Variants in NDST4 observed in about 807,000 individuals in gnomAD.
NDST4 encodes N-heparan sulfate sulfotransferase 4.
A neutral mutation model predicts 100.8 loss-of-function variants in NDST4; 63 were observed. That is an observed-to-expected ratio of 0.62 (90% CI 0.51 to 0.77). NDST4 has a LOEUF of 0.77. Among genes scored for constraint, NDST4 ranks in the 30% least tolerant of loss-of-function variants. The pLI, the probability that NDST4 is intolerant of heterozygous loss-of-function variation, is 0.00. For missense variants in NDST4, 943 were observed against 1,018.4 expected, an observed-to-expected ratio of 0.93 and a Z score of 1.01; for synonymous variants, 377 against 361.8, an observed-to-expected ratio of 1.04 and a Z score of -0.48.
chr4:114,891,689 C>T (rs1724601940), intron 6 of NDST4, among the ~76,000 whole-genome samples: 1 of 152,056 alleles, frequency 6.6e-6, no homozygotes, highest in African/African-American at 2.4e-5. Context: ...CATTCAGCAC[C>T]AAACACTGCA....
chr4:114,888,194 T>A (rs1207675793), intron 6 of NDST4, among the ~76,000 whole-genome samples: 1 of 151,662 alleles, frequency 6.6e-6, no homozygotes, highest in East Asian at 1.9e-4. Context: ...AGAAGGAGAC[T>A]CTATCTCAAA....
chr4:114,981,048 C>CA (rs899885106), intron 2 of NDST4, among the ~76,000 whole-genome samples: 2 of 151,774 alleles, frequency 1.3e-5, no homozygotes, highest in African/African-American at 4.8e-5. Context: ...CCCTTCTCTA[C>CA]AAAAAAATAC....
chr4:115,022,473 G>GTGTTCCATATATATA (rs1727876368), intron 2 of NDST4, among the ~76,000 whole-genome samples: 1 of 63,340 alleles, frequency 1.6e-5, no homozygotes, highest in Non-Finnish European at 3.5e-5. Flanking sequence ...CCATATATAT[G>GTGTTCCATATATATA]TGTTCCATAT....
intron 1 of NDST4, among the ~76,000 whole-genome samples, chr4:115,083,186 C>T (rs1287806627): frequency 1.3e-5 from 2 of 152,100 alleles, no homozygotes; most frequent in East Asian, 3.9e-4. Context: ...CATTGTGGCT[C>T]ACACATGTAA....
At chr4:115,049,930 C>A (rs1210919622) in intron 2 of NDST4, among the ~76,000 whole-genome samples, 1 of 152,142 alleles carries the variant, frequency 6.6e-6, no homozygotes, top group Non-Finnish European at 1.5e-5. Context: ...TAGTTCATTA[C>A]CCTCCTTTTA....
In NDST4 at chr4:114,852,639, A is replaced by C. The variant is rs1723702270; in HGVS notation, c.1816+86T>G. 5.6e-6 allele frequency: 4 copies of C among 715,006 alleles called. No homozygotes were observed. The African/African-American group carries it at 7.4e-5, about 13-fold the overall frequency. 44.3% of individuals were successfully genotyped at this position (715,006 alleles called of 1,614,324 possible). ...GGATAGCTAAATATTTCACAAAGAA[A>C]AATCTAATCTGATAAATCCATATAC... On this transcript the variant is annotated intron_variant, in intron 8 of 13. Coordinates refer to ENST00000264363, the MANE Select transcript of NDST4 (RefSeq NM_022569.3).
intron 1 of NDST4, among the ~76,000 whole-genome samples, chr4:115,091,454 C>T (rs994220841): frequency 6.6e-6 from 1 of 151,972 alleles, no homozygotes; most frequent in Non-Finnish European, 1.5e-5. Context: ...ATTATTTCTC[C>T]ATCTACTCTT....
chr4:114,875,273 C>A (rs923010271), intron 6 of NDST4, among the ~76,000 whole-genome samples: 11 of 152,134 alleles, frequency 7.2e-5, no homozygotes, highest in African/African-American at 2.7e-4. Context: ...CTCTCAACTT[C>A]ATTATAACCA....
At position 114,845,877 on chromosome 4, in the gene NDST4, G is replaced by A. The variant is rs1180640395; in HGVS notation, c.2061C>T (p.Ala687=). The A allele has an allele frequency of 3.7e-6, 6 of 1,614,118 alleles. No individual in the cohort carries two copies. In the South Asian group the frequency reaches 6.6e-5, roughly 18 times the overall value. Residue 687 remains alanine, a synonymous_variant, in exon 10 of 14, where the codon GCC becomes GCT. Transcript: ENST00000264363. ...PRRAASLVPK[A]KIITILIDPS... ...GGTCAATGAGGATGGTGATGATCTTGGCTTTGGGGACAAGAGATGCGGCTC... is the reference window on the plus strand; with the variant it reads ...GGTCAATGAGGATGGTGATGATCTTAGCTTTGGGGACAAGAGATGCGGCTC...
intron 6 of NDST4, among the ~76,000 whole-genome samples, chr4:114,925,390 C>A (rs1028044634): frequency 1.3e-5 from 2 of 152,096 alleles, no homozygotes; most frequent in Non-Finnish European, 2.9e-5. Context: ...CAGAATTTCT[C>A]GAAGTTTGTT....
chr4:114,986,977 T>G (rs574817091), intron 2 of NDST4, among the ~76,000 whole-genome samples: 1 of 151,694 alleles, frequency 6.6e-6, no homozygotes, highest in African/African-American at 2.4e-5. Flanking sequence ...AAAAGCTTCT[T>G]ATAAGATAAT....
chr4:115,014,426 T>G (rs1727630575), intron 2 of NDST4, among the ~76,000 whole-genome samples: 1 of 152,096 alleles, frequency 6.6e-6, no homozygotes, highest in Non-Finnish European at 1.5e-5. Flanking sequence ...GTAAAATGTT[T>G]AGGGGCTAAT....
At chr4:115,098,846 T>C (rs1388909502) in intron 1 of NDST4, among the ~76,000 whole-genome samples, 2 of 152,164 alleles carry the variant, frequency 1.3e-5, no homozygotes, top group Non-Finnish European at 2.9e-5. Flanking sequence ...ACCACAAGCA[T>C]GTGCCACCAC....
rs1485671853 is a variant in NDST4, at chr4:114,977,232, T to C, written c.1021A>G (p.Asn341Asp). ...TQNLLRTQVANFTFNLGFSGK... is the reference protein window; with the variant it reads ...TQNLLRTQVADFTFNLGFSGK... ...GAAAATCCAAGGTTGAAGGTAAAAT[T>C]TGCAACCTGAGTGCGCAGTAAATTT... The change falls in exon 3 of 14, where the codon AAT becomes GAT. Residue 341 changes from asparagine to aspartate, a missense_variant. This residue lies in a region of NDST4 where 526 missense variants were observed against 634.1 expected (regional missense o/e 0.83). Coordinates refer to ENST00000264363, the MANE Select transcript of NDST4 (RefSeq NM_022569.3). 12 of 1,611,170 alleles carry C rather than the reference T, an allele frequency of 7.4e-6. No homozygotes were observed. Among genetic ancestry groups the C allele is most frequent in the Non-Finnish European group, 1.0e-5 (12 of 1,178,210 alleles).
intron 8 of NDST4, among the ~76,000 whole-genome samples, chr4:114,850,569 T>C (rs1016380143): frequency 6.6e-6 from 1 of 152,186 alleles, no homozygotes; most frequent in Non-Finnish European, 1.5e-5. Flanking sequence ...TCATTTCCTT[T>C]TATATCAACT....
At chr4:114,910,564 T>C (rs1043443801) in intron 6 of NDST4, among the ~76,000 whole-genome samples, 11 of 152,196 alleles carry the variant, frequency 7.2e-5, no homozygotes, top group African/African-American at 2.4e-4. Context: ...TAAATTTATG[T>C]TTTTGAAATG....
intron 7 of NDST4, among the ~76,000 whole-genome samples, chr4:114,858,778 G>A (rs1055360561): frequency 2.0e-5 from 3 of 152,078 alleles, no homozygotes; most frequent in African/African-American, 7.2e-5. Context: ...TAAGGTTGGT[G>A]GATCTAGGAA....
intron 2 of NDST4, among the ~76,000 whole-genome samples, chr4:115,011,650 C>A (rs1727550329): frequency 6.6e-6 from 1 of 151,792 alleles, no homozygotes; most frequent in Non-Finnish European, 1.5e-5. Flanking sequence ...AAGATCTGTT[C>A]ATTCAGGAAT....
intron 4 of NDST4, among the ~76,000 whole-genome samples, chr4:114,957,943 T>A (rs1039023228): frequency 1.3e-5 from 2 of 152,190 alleles, no homozygotes; most frequent in Non-Finnish European, 2.9e-5. Context: ...CTTTGCAGGG[T>A]AGAGCCCCCT....
Sources: allele counts gnomAD v4.1 joint callset (sites outside exome capture counted in the v4.1 genomes callset), GRCh38; gene constraint gnomAD v4.1.1; regional missense constraint gnomAD v4.1.1; transcripts MANE v1.5; gene names NCBI Gene and HGNC (gene_info 2026-07-23, HGNC 2026-07-21).